RAD51B: variants seen among roughly 807,000 people sequenced by gnomAD.
RAD51B encodes the protein RAD51 paralog B.
In RAD51B, 38 loss-of-function variants were observed where a neutral mutation model predicts 42.2. The ratio of observed to expected loss-of-function variants is 0.90; its 90% CI spans 0.70 to 1.18. The LOEUF (loss-of-function observed/expected upper bound fraction) is 1.18. RAD51B is among the 50% of genes most tolerant of loss of function. The probability of loss-of-function intolerance (pLI) is 0.00; values close to 1 mark genes in which losing one functional copy is unlikely to be tolerated. For synonymous variants in RAD51B, 154 were observed against 145.2 expected, an observed-to-expected ratio of 1.06 and a Z score of -0.43; for missense variants, 373 against 400.7, an observed-to-expected ratio of 0.93 and a Z score of 0.59.
intron 7 of RAD51B, among the ~76,000 whole-genome samples, chr14:68,202,073 A>C (rs922529208): frequency 2.0e-5 from 3 of 152,248 alleles, no homozygotes; most frequent in African/African-American, 7.2e-5. Context: ...AAGTTATGTT[A>C]ATGCTATACT....
chr14:68,611,516 T>C (rs1215865557), exon 11 of RAD51B: 2 of 494,648 alleles, frequency 4.0e-6, no homozygotes, highest in East Asian at 3.5e-5. Context: ...GCAGCATCTC[T>C]ATTGTAAAAG....
chr14:68,101,014 A>G (rs2077279141), intron 7 of RAD51B, among the ~76,000 whole-genome samples: 1 of 152,226 alleles, frequency 6.6e-6, no homozygotes, highest in African/African-American at 2.4e-5. Flanking sequence ...GGAAGCAAAT[A>G]TGTCCTTCTT....
At position 68,433,852 on chromosome 14, in the gene RAD51B, T is replaced by C. The variant is rs1046674989; in HGVS notation, c.957+22325T>C. On this transcript the variant is annotated intron_variant, in intron 9 of 10. Transcript: ENST00000471583. ...TTTTTAGAATTTTCAGCTTTTCTGCTCTGTTTTTTCCCCATCTTTGTGGTT... is the reference window on the plus strand; with the variant it reads ...TTTTTAGAATTTTCAGCTTTTCTGCCCTGTTTTTTCCCCATCTTTGTGGTT... Among the ~76,000 whole-genome samples, 3 of 152,350 alleles carry C rather than the reference T, an allele frequency of 2.0e-5. No homozygotes were observed. In the South Asian group the frequency reaches 6.2e-4, roughly 32 times the overall value.
At chr14:68,655,381 T>C (rs1892791704) in intron 11 of RAD51B, among the ~76,000 whole-genome samples, 1 of 151,244 alleles carries the variant, frequency 6.6e-6, no homozygotes, top group South Asian at 2.1e-4. Flanking sequence ...CACATGGTGA[T>C]GGGGGAGGGG....
At chr14:68,316,353 G>T (rs1595699606) in intron 8 of RAD51B, among the ~76,000 whole-genome samples, 1 of 152,242 alleles carries the variant, frequency 6.6e-6, no homozygotes, top group East Asian at 1.9e-4. Flanking sequence ...TGCTGGTCAA[G>T]GAAGTGTTTT....
intron 10 of RAD51B, among the ~76,000 whole-genome samples, chr14:68,605,384 A>C (rs962817325): frequency 1.3e-5 from 2 of 152,264 alleles, no homozygotes; most frequent in African/African-American, 4.8e-5. Flanking sequence ...CAATGGTGAG[A>C]GTACACTCGA....
At chr14:68,353,338 C>T (rs779742214) in intron 8 of RAD51B, among the ~76,000 whole-genome samples, 1 of 152,188 alleles carries the variant, frequency 6.6e-6, no homozygotes, top group South Asian at 2.1e-4. Context: ...ACAATAATCT[C>T]GATCTGCATT....
downstream of RAD51B, among the ~76,000 whole-genome samples, chr14:68,612,826 G>GAAGGGAGGGAAGT (rs1005417048): frequency 2.0e-5 from 3 of 150,562 alleles, no homozygotes; most frequent in African/African-American, 7.3e-5. Flanking sequence ...AAGAAGGAAG[G>GAAGGGAGGGAAGT]AAGGGAGGGA....
chr14:68,085,932 G>A (rs1566632361), intron 7 of RAD51B, among the ~76,000 whole-genome samples: 1 of 152,218 alleles, frequency 6.6e-6, no homozygotes, highest in Non-Finnish European at 1.5e-5. Context: ...AGGGGTGAAT[G>A]TTTACAGCTG....
At position 68,147,675 on chromosome 14, in the gene RAD51B, A is replaced by G. The variant is rs573100490; in HGVS notation, c.757-144209A>G. Reference sequence around the variant, plus strand: ...CATTAGGTTTTCAATAAATATTTTTATATAATGGTAAATGAAGAAGTTGTT... The same window carrying G: ...CATTAGGTTTTCAATAAATATTTTTGTATAATGGTAAATGAAGAAGTTGTT... On this transcript the variant is annotated intron_variant, in intron 7 of 10. Coordinates refer to ENST00000471583, the MANE Select transcript of RAD51B (RefSeq NM_133510.4). Among the ~76,000 whole-genome samples the G allele has an allele frequency of 3.3e-5, 5 of 152,270 alleles. No homozygotes were observed. In the South Asian group the frequency reaches 6.2e-4, roughly 19 times the overall value.
At chr14:68,571,526 C>G (rs1889700431) in intron 10 of RAD51B, among the ~76,000 whole-genome samples, 1 of 152,210 alleles carries the variant, frequency 6.6e-6, no homozygotes. Flanking sequence ...ATCATTCTTC[C>G]ATTGCCACTT....
At chr14:68,291,862 C>T in intron 7 of RAD51B, 22 bp from the exon 8 acceptor site, 1 of 1,578,396 alleles carries the variant, frequency 6.3e-7, no homozygotes, top group Non-Finnish European at 8.7e-7. Flanking sequence ...GCCCCCTACC[C>T]CTTCTCCCTG....
At chr14:67,844,183 T>C (rs1273007701) in intron 4 of RAD51B, among the ~76,000 whole-genome samples, 2 of 152,164 alleles carry the variant, frequency 1.3e-5, no homozygotes, top group Non-Finnish European at 2.9e-5. Flanking sequence ...AGTATTGATT[T>C]CTATTTTTAT....
chr14:68,391,760 G>C (rs1032298419), intron 8 of RAD51B, among the ~76,000 whole-genome samples: 1 of 152,102 alleles, frequency 6.6e-6, no homozygotes, highest in Admixed American at 6.5e-5. Context: ...TGTTGACTCA[G>C]TTCCCATGGT....
At chr14:68,216,704 G>T (rs990036978) in intron 7 of RAD51B, among the ~76,000 whole-genome samples, 3 of 152,062 alleles carry the variant, frequency 2.0e-5, no homozygotes, top group Non-Finnish European at 4.4e-5. Flanking sequence ...GTATTTCAAA[G>T]TATATATAAT....
chr14:68,273,515 G>A (rs1209725162), intron 7 of RAD51B, among the ~76,000 whole-genome samples: 10 of 152,214 alleles, frequency 6.6e-5, no homozygotes, highest in Non-Finnish European at 2.9e-5. Flanking sequence ...TGCTTGGTAA[G>A]TACAGAATTG....
chr14:68,483,161 G>A (rs1381081470), intron 10 of RAD51B, among the ~76,000 whole-genome samples: 3 of 152,194 alleles, frequency 2.0e-5, no homozygotes, highest in Admixed American at 6.5e-5. Context: ...ACTTCCAGGA[G>A]GCAGGAAGGT....
intron 7 of RAD51B, among the ~76,000 whole-genome samples, chr14:67,994,596 G>A (rs2075350959): frequency 6.6e-6 from 1 of 152,104 alleles, no homozygotes; most frequent in South Asian, 2.1e-4. Context: ...CTAAGCTCAA[G>A]CAGGATTTAA....
At chr14:68,497,321 T>C in intron 10 of RAD51B, 1 of 1,262,654 alleles carries the variant, frequency 7.9e-7, no homozygotes, top group Non-Finnish European at 1.0e-6. Context: ...ATCTCACAAG[T>C]AGGATCAAGA....
Sources: allele counts gnomAD v4.1 joint callset (sites outside exome capture counted in the v4.1 genomes callset), GRCh38; gene constraint gnomAD v4.1.1; transcripts MANE v1.5; gene names NCBI Gene and HGNC (gene_info 2026-07-23, HGNC 2026-07-21).